DPM1: variants seen among roughly 807,000 people sequenced by gnomAD.
DPM1 encodes dolichyl-phosphate mannosyltransferase subunit 1, catalytic.
Under a neutral mutation model 39.0 loss-of-function variants are expected in DPM1, and 27 were observed. The observed-to-expected ratio is 0.69, with a 90% CI of 0.51 to 0.95. DPM1 has a LOEUF of 0.95. Ranked by LOEUF, DPM1 falls within the 40% of genes least tolerant of loss-of-function variation. DPM1 has a pLI of 0.00. For synonymous variants in DPM1, 124 were observed against 109.0 expected (o/e 1.14, Z -0.86); for missense variants, 307 against 315.6 (o/e 0.97, Z 0.21).
At chr20:50,953,318 T>C (rs1007870526) in intron 2 of DPM1, among the ~76,000 whole-genome samples, 2 of 152,224 alleles carry the variant, frequency 1.3e-5, no homozygotes, top group African/African-American at 2.4e-5. Context: ...TACAGAATTT[T>C]TAAAAATATC....
At chr20:50,946,641 C>T (rs1188733776) in intron 3 of DPM1, among the ~76,000 whole-genome samples, 2 of 152,236 alleles carry the variant, frequency 1.3e-5, no homozygotes, top group Non-Finnish European at 2.9e-5. Flanking sequence ...CAGCTCCATG[C>T]CTCAAAGTCC....
intron 3 of DPM1, among the ~76,000 whole-genome samples, chr20:50,946,263 C>T (rs1986278352): frequency 1.3e-5 from 2 of 152,192 alleles, no homozygotes; most frequent in Admixed American, 6.5e-5. Flanking sequence ...CTGGTGTTTC[C>T]TTGGCATCCC....
rs58694792 is a variant in DPM1 at position 50,941,227 on chromosome 20, A to AATATATATATAT, written c.495-306_495-295dup. 9.2e-3 allele frequency: 560 copies of AATATATATATAT among 61,082 alleles called. 10 individuals are homozygous for AATATATATATAT. Among genetic ancestry groups the AATATATATATAT allele is most frequent in the African/African-American group, 0.02 (241 of 12,074 alleles). The allele number at this position is 61,082 out of a possible 1,614,324, so 3.8% of individuals were successfully genotyped here. A position where few individuals can be genotyped will look rare whatever the true frequency, so the allele number is the denominator to read the frequency against. On this transcript the variant is annotated intron_variant, in intron 6 of 8. Transcript: ENST00000371588. The stretch of plus-strand genomic sequence containing the variant: ...CTCCATCACTACAAAAAAAAAAGTG[A>AATATATATATAT]ATATATATATATATATATATATATA...
Position 50,945,613 on chromosome 20 carries a change from T to TTATATTTTTGATAGAAAAAATAGTATG in DPM1, c.398+97_398+123dup, listed in dbSNP as rs1248498677. ...CCTACCCTGACTTCCCAAACTTTGT[T>TTATATTTTTGATAGAAAAAATAGTATG]TATATTTTTGATAGAAAAAATAGTA... On this transcript the variant is annotated intron_variant, in intron 5 of 8. Transcript: ENST00000371588. 5.0e-6 allele frequency: 5 copies of TTATATTTTTGATAGAAAAAATAGTATG among 1,007,292 alleles called. No homozygotes were observed. In the African/African-American group the frequency reaches 6.6e-5, roughly 13 times the overall value. 62.4% of individuals were successfully genotyped at this position (1,007,292 alleles called of 1,614,324 possible).
In DPM1 at chr20:50,943,914, G is replaced by C. The variant is rs1391674989; in HGVS notation, c.399-1788C>G. On this transcript the variant is annotated intron_variant, in intron 5 of 8. Coordinates refer to ENST00000371588, the MANE Select transcript of DPM1 (RefSeq NM_003859.3). ...ACCACCATGCCTGGCTAATTTTTTT[G>C]TATTTTTAGTAGAGACAGGGTTTCA... Among the ~76,000 whole-genome samples the C allele has an allele frequency of 5.3e-5, 8 of 151,602 alleles. No homozygotes were observed. The East Asian group carries it at 1.6e-3, about 30-fold the overall frequency.
intron 5 of DPM1, among the ~76,000 whole-genome samples, chr20:50,942,645 G>T (rs993610948): frequency 3.3e-5 from 5 of 151,874 alleles, no homozygotes; most frequent in African/African-American, 1.2e-4. Context: ...CTCCAGCCTG[G>T]GTGACAATGG....
chr20:50,940,954 A>T (rs1055344405), intron 6 of DPM1, 21 bp from the exon 7 acceptor site: 33 of 1,612,076 alleles, frequency 2.0e-5, no homozygotes, highest in African/African-American at 2.7e-5. Flanking sequence ...AAACAATCAG[A>T]TCTTCTTTAC....
At chr20:50,934,860 G>C (rs1337950920), downstream of DPM1, 1 of 249,102 alleles carries the variant, frequency 4.0e-6, no homozygotes, top group Non-Finnish European at 7.7e-6. Flanking sequence ...TCTAATGAAG[G>C]CAGCAATACT....
At chr20:50,940,409 A>T (rs573568216) in intron 7 of DPM1, among the ~76,000 whole-genome samples, 5 of 152,262 alleles carry the variant, frequency 3.3e-5, no homozygotes, top group African/African-American at 1.2e-4. Context: ...GACACGCAAA[A>T]CTCAGAGGGA....
intron 5 of DPM1, chr20:50,944,227 G>A (rs1440458799): frequency 6.6e-6 from 1 of 152,130 alleles, no homozygotes; most frequent in Non-Finnish European, 1.5e-5. Flanking sequence ...ATAATAAAAT[G>A]GTCACACACA....
chr20:50,945,284 TTGTGTGTGTGTGTGTGTGTG>T (rs11474633), intron 5 of DPM1: 37,010 of 157,030 alleles, frequency 0.24, 4,423 homozygotes, highest in Non-Finnish European at 0.28. Flanking sequence ...CAAATGTGTG[TTGTGTGTGTGTGTGTGTGTG>T]TGTGTGTGTG....
At position 50,945,779 on chromosome 20, in the gene DPM1, A is replaced by G. The variant is rs1246236541; in HGVS notation, c.373-17T>C. ...AAATTTTGGCTGAAATTTGAAAAGA[A>G]TAAACAGTAAGTCAGTAAAACAGGC... On this transcript the variant is annotated splice_polypyrimidine_tract_variant and intron_variant, in intron 4 of 8. Coordinates refer to ENST00000371588, the MANE Select transcript of DPM1 (RefSeq NM_003859.3). 2.5e-6 allele frequency: 4 copies of G among 1,607,136 alleles called. No individual in the cohort carries two copies. In the African/African-American group the frequency reaches 5.4e-5, roughly 21 times the overall value.
chr20:50,947,163 G>A (rs367834827), intron 3 of DPM1, among the ~76,000 whole-genome samples: 5 of 152,146 alleles, frequency 3.3e-5, no homozygotes, highest in African/African-American at 1.2e-4. Context: ...AGCCGAGATC[G>A]CGTCATCGCA....
intron 3 of DPM1, among the ~76,000 whole-genome samples, chr20:50,947,396 CT>C (rs1316287268): frequency 6.6e-6 from 1 of 152,158 alleles, no homozygotes; most frequent in Non-Finnish European, 1.5e-5. Flanking sequence ...AATATTTACA[CT>C]TTTTGGTTTC....
Position 50,942,062 on chromosome 20 carries a change from A to T in DPM1, c.463T>A (p.Tyr155Asn). ...ATTTTTCTTTTCAAATCCCAGCCATATACACCTCCATTTCCTTTGTAGCGA... is the reference window on the plus strand; with the variant it reads ...ATTTTTCTTTTCAAATCCCAGCCATTTACACCTCCATTTCCTTTGTAGCGA... ...GTRYKGNGGVYGWDLKRKIIS... is the reference protein window; with the variant it reads ...GTRYKGNGGVNGWDLKRKIIS... The change falls in exon 6 of 9, where the codon TAT (tyrosine) becomes AAT (asparagine). Residue 155 changes from tyrosine (Y) to asparagine (N), a missense_variant. By Grantham distance (143) the Tyr-to-Asn change is moderately radical (BLOSUM62 -2). Around this residue, in one of 3 missense-constraint regions of DPM1, gnomAD observed 31 missense variants for 58.0 expected, o/e 0.53. Coordinates refer to ENST00000371588, the MANE Select transcript of DPM1 (RefSeq NM_003859.3). 2 of 1,614,128 alleles carry T rather than the reference A, an allele frequency of 1.2e-6. No homozygotes were observed. The highest frequency in any genetic ancestry group is 1.7e-6 in the Non-Finnish European group (2 of 1,179,984).
intron 1 of DPM1, among the ~76,000 whole-genome samples, chr20:50,956,386 G>C (rs1489485949): frequency 6.6e-6 from 1 of 152,000 alleles, no homozygotes; most frequent in Non-Finnish European, 1.5e-5. Context: ...GGCGGATCAC[G>C]AGGTCAGGAT....
In DPM1 at chr20:50,958,465, C is replaced by G; in HGVS notation, c.59G>C (p.Arg20Pro). Reference sequence around the variant, plus strand: ...CGAATATTTGTTCTGTCGTGGACTGCGCACTTCCAGCTCCCGCCGAGACCT... The same window carrying G: ...CGAATATTTGTTCTGTCGTGGACTGGGCACTTCCAGCTCCCGCCGAGACCT... ...PRRSRRELEV[R>P]SPRQNKYSVL... The change falls in exon 1 of 9, where the codon CGC becomes CCC. Residue 20 changes from arginine to proline, a missense_variant. Arg to Pro is a moderately radical substitution (Grantham distance 103). This residue lies in a region of DPM1 where 206 missense variants were observed against 188.2 expected (regional missense o/e 1.09). Transcript: ENST00000371588. The G allele has an allele frequency of 6.2e-7, 1 of 1,613,692 alleles. No individual in the cohort carries two copies. The highest frequency in any genetic ancestry group is 1.3e-5 in the African/African-American group (1 of 74,896).
At chr20:50,935,282 G>C (rs1985053128) in intron 8 of DPM1, 46 bp from the exon 9 acceptor site, 1 of 1,234,022 alleles carries the variant, frequency 8.1e-7, no homozygotes, top group Non-Finnish European at 1.2e-6. Context: ...AAAACAATTA[G>C]GCAGCTTAGC....
chr20:50,939,203 G>T (rs917611812), intron 7 of DPM1, among the ~76,000 whole-genome samples: 3 of 151,952 alleles, frequency 2.0e-5, no homozygotes, highest in Non-Finnish European at 4.4e-5. Flanking sequence ...TTTCTTCACA[G>T]CCTCTATCTT....
Sources: allele counts gnomAD v4.1 joint callset (sites outside exome capture counted in the v4.1 genomes callset), GRCh38; gene constraint gnomAD v4.1.1; regional missense constraint gnomAD v4.1.1; transcripts MANE v1.5; gene names NCBI Gene and HGNC (gene_info 2026-07-23, HGNC 2026-07-21).